The following ARL10 variants were observed in gnomAD, a reference collection of about 807,000 sequenced individuals.
ARL10 encodes the protein ADP-ribosylation factor-like protein 10.
Under a neutral mutation model 26.1 loss-of-function variants are expected in ARL10, and 23 were observed. The observed-to-expected ratio is 0.88, with a 90% CI of 0.63 to 1.25. The LOEUF is 1.25. Ranked by LOEUF, ARL10 falls within the 50% of genes most tolerant of loss-of-function variation. The pLI, the probability that ARL10 is intolerant of heterozygous loss-of-function variation, is 0.00. For synonymous variants in ARL10, 138 were observed against 149.1 expected (o/e 0.93, Z 0.54); for missense variants, 300 against 323.6 (o/e 0.93, Z 0.56).
chr5:176,372,816 G>C lies in ARL10; in HGVS notation c.*921G>C. The C allele has an allele frequency of 2.5e-6, 1 of 398,514 alleles. No homozygotes were observed. The highest frequency in any genetic ancestry group is 4.4e-6 in the Non-Finnish European group (1 of 226,020). 24.7% of individuals were successfully genotyped at this position (398,514 alleles called of 1,614,324 possible). On this transcript the variant is annotated 3_prime_UTR_variant, in exon 4 of 4. Transcript: ENST00000310389. ...CATTTTATTTATTAATTTATAAGCA[G>C]AACAGGCCAGAGTTCTAGGCTCTGT...
chr5:176,394,252 G>A (rs1215121774), intron 1 of ARL10, among the ~76,000 whole-genome samples: 4 of 152,192 alleles, frequency 2.6e-5, no homozygotes, highest in South Asian at 4.1e-4. Context: ...AGCTCAAAGC[G>A]TCCATGGTCC....
chr5:176,369,271 C>A (rs770977231), intron 3 of ARL10: 1 of 1,279,436 alleles, frequency 7.8e-7, no homozygotes, highest in Non-Finnish European at 1.0e-6. Context: ...CTTGTTCTGT[C>A]GCCCAGGCTG....
rs1351645078 is a variant in ARL10 at position 176,371,885 on chromosome 5, T to C, written c.725T>C (p.Leu242Pro). ...CACATCTGGAAACTGCTCTTGGAGCTCCTCTCCTAGGCTGGAGCTCTCCTG... is the reference window on the plus strand; with the variant it reads ...CACATCTGGAAACTGCTCTTGGAGCCCCTCTCCTAGGCTGGAGCTCTCCTG... The part of the protein sequence containing the change: ...TVHIWKLLLE[L>P]LS Residue 242 changes from leucine to proline, a missense_variant, in exon 4 of 4, where the codon CTC becomes CCC. Coordinates refer to ENST00000310389, the MANE Select transcript of ARL10 (RefSeq NM_173664.6). The C allele has an allele frequency of 1.2e-6, 2 of 1,613,856 alleles. No individual in the cohort carries two copies. Among genetic ancestry groups the C allele is most frequent in the Non-Finnish European group, 1.7e-6 (2 of 1,179,892 alleles).
chr5:176,381,525 C>T lies in ARL10; in HGVS notation c.*9630C>T, dbSNP rs918629858. 4 of 152,196 alleles carry T rather than the reference C, an allele frequency of 2.6e-5. No individual in the cohort carries two copies. The highest frequency in any genetic ancestry group is 4.4e-5 in the Non-Finnish European group (3 of 68,046). 9.4% of individuals were successfully genotyped at this position (152,196 alleles called of 1,614,324 possible). A position where few individuals can be genotyped will look rare whatever the true frequency, so the allele number is the denominator to read the frequency against. On this transcript the variant is annotated 3_prime_UTR_variant, in exon 4 of 4. Transcript: ENST00000310389. ...AGCGATGGTTCAGAATGTGTGCAGG[C>T]TATATTTATAAGCAAAGAAACGGAA...
chr5:176,389,529 A>G (rs891034050), downstream of ARL10: 11 of 1,584,092 alleles, frequency 6.9e-6, no homozygotes, highest in African/African-American at 1.3e-5. Context: ...GCTCCGCAGA[A>G]ATGATTCCAA....
At chr5:176,401,018 C>T (rs977229113) in intron 1 of ARL10, among the ~76,000 whole-genome samples, 3 of 152,188 alleles carry the variant, frequency 2.0e-5, no homozygotes, top group Non-Finnish European at 4.4e-5. Context: ...CTGGGATCAT[C>T]GGGGCAGCTG....
chr5:176,366,686 C>T, intron 2 of ARL10, 105 bp downstream of exon 2: 2 of 1,320,574 alleles, frequency 1.5e-6, no homozygotes, highest in African/African-American at 2.9e-5. Flanking sequence ...CAGCACATTC[C>T]CCTCTACGAA....
At chr5:176,400,616 G>T (rs145913773) in intron 1 of ARL10, among the ~76,000 whole-genome samples, 3 of 152,118 alleles carry the variant, frequency 2.0e-5, no homozygotes, top group African/African-American at 7.2e-5. Context: ...CACGCCCTCC[G>T]CATTCCTGTC....
At chr5:176,403,001 T>C (rs1229968877), downstream of ARL10, among the ~76,000 whole-genome samples, 1 of 151,760 alleles carries the variant, frequency 6.6e-6, no homozygotes, top group Non-Finnish European at 1.5e-5. Flanking sequence ...AGGAGTCTCT[T>C]TTCATCTGTA....
Position 176,378,859 on chromosome 5 carries a change from C to T in ARL10, c.*6964C>T, listed in dbSNP as rs930280509. On this transcript the variant is annotated 3_prime_UTR_variant, in exon 4 of 4. Transcript: ENST00000310389. ...AGTGAGCCGAGATCGCGCCACTGCACTCCAGCCTGGGCAACAGAGCGAGAC... is the reference window on the plus strand; with the variant it reads ...AGTGAGCCGAGATCGCGCCACTGCATTCCAGCCTGGGCAACAGAGCGAGAC... 1.3e-5 allele frequency: 2 copies of T among 148,762 alleles called. No homozygotes were observed. The highest frequency in any genetic ancestry group is 5.0e-5 in the African/African-American group (2 of 40,274). 9.2% of individuals were successfully genotyped at this position (148,762 alleles called of 1,614,324 possible). A position where few individuals can be genotyped will look rare whatever the true frequency, so the allele number is the denominator to read the frequency against.
At chr5:176,367,286 G>A (rs182772882) in intron 2 of ARL10, among the ~76,000 whole-genome samples, 18 of 152,128 alleles carry the variant, frequency 1.2e-4, no homozygotes, top group Admixed American at 9.8e-4. Flanking sequence ...TGGGATTACA[G>A]GCGTAAGCCA....
intron 1 of ARL10, among the ~76,000 whole-genome samples, chr5:176,401,077 G>A (rs1756795225): frequency 6.6e-6 from 1 of 152,196 alleles, no homozygotes; most frequent in Non-Finnish European, 1.5e-5. Flanking sequence ...GCAATTCAGA[G>A]ACTCTCTCCC....
intron 2 of ARL10, among the ~76,000 whole-genome samples, chr5:176,367,228 T>G (rs1008302307): frequency 2.0e-5 from 3 of 152,040 alleles, no homozygotes; most frequent in Non-Finnish European, 2.9e-5. Context: ...AGGCTAGTCT[T>G]GAACTCCTGA....
chr5:176,412,932 G>GC, the ARL10 span, among the ~76,000 whole-genome samples: 4 of 152,022 alleles, frequency 2.6e-5, no homozygotes, highest in Non-Finnish European at 4.4e-5. Context: ...TGTACATTTG[G>GC]CCTTCTCGAG....
In ARL10 at chr5:176,386,955, G is replaced by C. The variant is rs943949370; in HGVS notation, c.37-1340G>C. ...GAGACCAGAAGGATCTTTGATGAGG[G>C]AAAGTTATAGACTCCTGCTTATCCC... is the stretch of plus-strand genomic sequence containing the variant. On this transcript the variant is annotated intron_variant, in intron 1 of 1. Coordinates refer to the ARL10 transcript ENST00000503175. The C allele has an allele frequency of 2.0e-6, 3 of 1,521,200 alleles. No homozygotes were observed. In the African/African-American group the frequency reaches 4.1e-5, roughly 21 times the overall value. The allele number at this position is 1,521,200 out of a possible 1,614,324, so 94.2% of individuals were successfully genotyped here. A position where few individuals can be genotyped will look rare whatever the true frequency, so the allele number is the denominator to read the frequency against.
Position 176,373,617 on chromosome 5 carries a change from G to A in ARL10, c.*1722G>A, listed in dbSNP as rs1768612568. The A allele has an allele frequency of 6.6e-6, 1 of 152,264 alleles. No homozygotes were observed. Among genetic ancestry groups the A allele is most frequent in the South Asian group, 2.1e-4 (1 of 4,834 alleles). The allele number at this position is 152,264 out of a possible 1,614,324, so 9.4% of individuals were successfully genotyped here. On this transcript the variant is annotated 3_prime_UTR_variant, in exon 4 of 4. Coordinates refer to ENST00000310389, the MANE Select transcript of ARL10 (RefSeq NM_173664.6). The stretch of plus-strand genomic sequence containing the variant: ...GGGAAATTCTGAAGTCCAGAAGCGA[G>A]TGTGATCTTTGGAATAGTGGCTGCT...
chr5:176,389,311 T>C, downstream of ARL10: 1 of 1,602,854 alleles, frequency 6.2e-7, no homozygotes, highest in African/African-American at 1.3e-5. Flanking sequence ...TGTTTCCCAG[T>C]TGCTTTGTCC....
chr5:176,371,587 G>A (rs1034515834), intron 3 of ARL10, 135 bp from the exon 4 acceptor site: 16 of 592,436 alleles, frequency 2.7e-5, no homozygotes, highest in East Asian at 1.1e-4. Flanking sequence ...TGATATTCCC[G>A]GGGATAGCCT....
the ARL10 span, among the ~76,000 whole-genome samples, chr5:176,408,397 G>A: frequency 2.0e-5 from 3 of 151,956 alleles, no homozygotes; most frequent in East Asian, 3.9e-4. Context: ...TTAGCTAGGC[G>A]TGGTGGCGGG....
Sources: allele counts gnomAD v4.1 joint callset (sites outside exome capture counted in the v4.1 genomes callset), GRCh38; gene constraint gnomAD v4.1.1; transcripts MANE v1.5; gene names NCBI Gene and HGNC (gene_info 2026-07-23, HGNC 2026-07-21).